GPHN: variants seen among roughly 807,000 people sequenced by gnomAD.
GPHN encodes the protein gephyrin.
Under a neutral mutation model 95.5 loss-of-function variants are expected in GPHN, and 17 were observed. The observed-to-expected ratio is 0.18, with a 90% confidence interval of 0.12 to 0.27. The LOEUF is 0.27. Ranked by LOEUF, GPHN falls within the 10% of genes least tolerant of loss-of-function variation. The pLI is 1.00. For synonymous variants in GPHN, 320 were observed against 322.5 expected (o/e 0.99, Z 0.08); for missense variants, 660 against 978.1 (o/e 0.67, Z 4.34).
chr14:66,807,935 T>C (rs561552146), intron 3 of GPHN, among the ~76,000 whole-genome samples: 2 of 152,342 alleles, frequency 1.3e-5, no homozygotes, highest in South Asian at 2.1e-4. Context: ...TTGTGGAGTA[T>C]GCAAGTGAAT....
chr14:66,842,256 T>A (rs1346444626), intron 4 of GPHN, among the ~76,000 whole-genome samples: 1 of 152,144 alleles, frequency 6.6e-6, no homozygotes, highest in Admixed American at 6.5e-5. Context: ...TTACTGCCCC[T>A]GATTCTTTCT....
the GPHN span, chr14:67,572,298 G>C: frequency 6.4e-7 from 1 of 1,569,750 alleles, no homozygotes; most frequent in Non-Finnish European, 8.6e-7. Context: ...AAACGGGCGG[G>C]GGCAGGGTGG....
the GPHN span, chr14:67,645,729 C>A: frequency 6.2e-7 from 1 of 1,614,066 alleles, no homozygotes; most frequent in African/African-American, 1.3e-5. Context: ...GACATCAACA[C>A]ACCCCTTACC....
At chr14:67,316,092 G>C in the GPHN span, among the ~76,000 whole-genome samples, 1 of 152,216 alleles carries the variant, frequency 6.6e-6, no homozygotes, top group African/African-American at 2.4e-5. Context: ...AAAAAAAGTA[G>C]ATTTAAAAAT....
chr14:66,966,230 A>C (rs991899595), intron 9 of GPHN, among the ~76,000 whole-genome samples: 15 of 152,110 alleles, frequency 9.9e-5, no homozygotes, highest in Non-Finnish European at 1.8e-4. Flanking sequence ...TGTCTTCCTC[A>C]ATTCCATCTT....
At chr14:66,929,205 G>A (rs185963722) in intron 8 of GPHN, among the ~76,000 whole-genome samples, 51 of 151,882 alleles carry the variant, frequency 3.4e-4, no homozygotes, top group Admixed American at 2.1e-3. Flanking sequence ...ACAGGCACGC[G>A]CCACCGTGCC....
At chr14:67,695,484 C>T in the GPHN span, 1 of 719,480 alleles carries the variant, frequency 1.4e-6, no homozygotes, top group Non-Finnish European at 2.3e-6. Flanking sequence ...ACAGCTGGAC[C>T]TCGCCTCCAA....
the GPHN span, among the ~76,000 whole-genome samples, chr14:67,493,891 A>ATTTT: frequency 3.4e-5 from 5 of 149,122 alleles, no homozygotes; most frequent in Admixed American, 2.7e-4. Context: ...TTATTTATTT[A>ATTTT]TTTAAAAATA....
intron 8 of GPHN, among the ~76,000 whole-genome samples, chr14:66,964,346 AT>A (rs1396210982): frequency 1.3e-5 from 2 of 152,138 alleles, no homozygotes; most frequent in East Asian, 3.8e-4. Context: ...GTTGTCCTCA[AT>A]TTTCAGATAA....
intron 2 of GPHN, among the ~76,000 whole-genome samples, chr14:66,771,224 T>G (rs1188207345): frequency 6.6e-6 from 1 of 152,344 alleles, no homozygotes; most frequent in East Asian, 1.9e-4. Flanking sequence ...GATAAATCTT[T>G]GATCACCGTG....
intron 2 of GPHN, among the ~76,000 whole-genome samples, chr14:66,715,992 A>G (rs1039370522): frequency 3.3e-5 from 5 of 151,990 alleles, no homozygotes; most frequent in African/African-American, 1.2e-4. Flanking sequence ...ATATCTATAT[A>G]TATATAGATA....
chr14:66,725,051 C>T (rs905009619), intron 2 of GPHN, among the ~76,000 whole-genome samples: 1 of 152,080 alleles, frequency 6.6e-6, no homozygotes, highest in African/African-American at 2.4e-5. Flanking sequence ...CTTATAGGGC[C>T]ACAGTCTTAA....
At chr14:67,200,726 T>A in the GPHN span, among the ~76,000 whole-genome samples, 2 of 152,208 alleles carry the variant, frequency 1.3e-5, no homozygotes, top group African/African-American at 4.8e-5. Context: ...TGATTTGATG[T>A]ACTTTACCTT....
At chr14:66,667,529 C>A (rs1427814487) in intron 1 of GPHN, among the ~76,000 whole-genome samples, 2 of 152,044 alleles carry the variant, frequency 1.3e-5, no homozygotes, top group Non-Finnish European at 2.9e-5. Context: ...CTTGAAGAAA[C>A]CTGACAAAAA....
intron 2 of GPHN, among the ~76,000 whole-genome samples, chr14:66,759,023 T>A (rs913267589): frequency 6.6e-6 from 1 of 152,244 alleles, no homozygotes; most frequent in Non-Finnish European, 1.5e-5. Context: ...CTGAGTTGTT[T>A]GCAAAATAAA....
intron 1 of GPHN, among the ~76,000 whole-genome samples, chr14:66,666,517 C>G (rs1370867654): frequency 1.3e-5 from 2 of 151,796 alleles, no homozygotes; most frequent in East Asian, 3.9e-4. Flanking sequence ...ATAAACAGAA[C>G]TAAAGACCAA....
At chr14:67,342,451 G>A in the GPHN span, among the ~76,000 whole-genome samples, 1 of 150,990 alleles carries the variant, frequency 6.6e-6, no homozygotes. Flanking sequence ...AAAAAATCGA[G>A]CAGAGAGAAT....
intron 8 of GPHN, among the ~76,000 whole-genome samples, chr14:66,957,604 A>G (rs1037519685): frequency 6.6e-6 from 1 of 152,136 alleles, no homozygotes; most frequent in Non-Finnish European, 1.5e-5. Flanking sequence ...TTTGTGGCCT[A>G]ATATATATGG....
chr14:67,697,582 A>G, the GPHN span, among the ~76,000 whole-genome samples: 1 of 152,230 alleles, frequency 6.6e-6, no homozygotes, highest in Non-Finnish European at 1.5e-5. Flanking sequence ...TCTAAGAGGT[A>G]GGTACTATAA....
Sources: allele counts gnomAD v4.1 joint callset (sites outside exome capture counted in the v4.1 genomes callset), GRCh38; gene constraint gnomAD v4.1.1; transcripts MANE v1.5; gene names NCBI Gene and HGNC (gene_info 2026-07-23, HGNC 2026-07-21).